The following PLPPR1 variants were observed in gnomAD, a reference collection of about 807,000 sequenced individuals.
The protein encoded by PLPPR1 is phospholipid phosphatase related 1, also known as phospholipid phosphatase-related protein type 1.
A neutral mutation model predicts 33.1 loss-of-function variants in PLPPR1; 10 were observed. That is an observed-to-expected ratio of 0.30 (90% CI 0.19 to 0.51). PLPPR1 has a LOEUF of 0.51. PLPPR1 is among the 20% of genes least tolerant of loss of function. The pLI is 0.97. For missense variants in PLPPR1, 304 were observed against 408.1 expected (o/e 0.74, Z 2.20); for synonymous variants, 151 against 151.0 (o/e 1.00, Z 0.00).
intron 1 of PLPPR1, among the ~76,000 whole-genome samples, chr9:101,101,803 T>C (rs1208060218): frequency 6.6e-6 from 1 of 152,154 alleles, no homozygotes; most frequent in African/African-American, 2.4e-5. Context: ...ATTTCTTGAA[T>C]ATATTTAGAG....
At chr9:101,226,178 T>C (rs919541098) in intron 2 of PLPPR1, among the ~76,000 whole-genome samples, 1 of 152,180 alleles carries the variant, frequency 6.6e-6, no homozygotes, top group Non-Finnish European at 1.5e-5. Flanking sequence ...AAGGTGATTT[T>C]CCTGGGAATC....
At chr9:101,299,356 G>A (rs1828705948) in intron 4 of PLPPR1, among the ~76,000 whole-genome samples, 1 of 152,182 alleles carries the variant, frequency 6.6e-6, no homozygotes, top group African/African-American at 2.4e-5. Flanking sequence ...ATTCAAGGAT[G>A]CAGGGGAGGA....
chr9:101,069,629 G>A (rs144219420), intron 1 of PLPPR1, among the ~76,000 whole-genome samples: 1 of 152,242 alleles, frequency 6.6e-6, no homozygotes, highest in East Asian at 1.9e-4. Context: ...ACTGATCTGG[G>A]TGGAGTATTG....
chr9:101,299,788 G>A (rs7048745), intron 4 of PLPPR1, among the ~76,000 whole-genome samples: 2,091 of 152,226 alleles, frequency 0.014, 42 homozygotes, highest in African/African-American at 0.045. Context: ...CAGCACTCTC[G>A]ACATTCTCTG....
chr9:101,282,332 C>CA (rs914329673), intron 3 of PLPPR1, among the ~76,000 whole-genome samples: 4 of 151,784 alleles, frequency 2.6e-5, no homozygotes, highest in African/African-American at 7.3e-5. Context: ...TCAATAAATG[C>CA]AAAAAAATGA....
intron 2 of PLPPR1, among the ~76,000 whole-genome samples, chr9:101,236,045 GTC>G (rs1395124171): frequency 6.6e-6 from 1 of 151,596 alleles, no homozygotes; most frequent in African/African-American, 2.4e-5. Flanking sequence ...CTTCATATTT[GTC>G]TTACTGTTTC....
intron 2 of PLPPR1, among the ~76,000 whole-genome samples, chr9:101,216,085 G>A (rs188539327): frequency 6.6e-6 from 1 of 152,218 alleles, no homozygotes; most frequent in East Asian, 1.9e-4. Context: ...TGTAGTGGTT[G>A]TACTAATTTA....
intron 4 of PLPPR1, among the ~76,000 whole-genome samples, chr9:101,286,812 A>G (rs1471216191): frequency 6.6e-6 from 1 of 152,212 alleles, no homozygotes; most frequent in Non-Finnish European, 1.5e-5. Context: ...ATAATTATAG[A>G]TATGGGAATA....
intron 1 of PLPPR1, among the ~76,000 whole-genome samples, chr9:101,047,981 G>A (rs1450327268): frequency 3.3e-5 from 5 of 152,098 alleles, no homozygotes; most frequent in Non-Finnish European, 7.4e-5. Flanking sequence ...TGTATCTTGC[G>A]GTTTTCCTCA....
At chr9:101,068,856 C>A (rs1830450275) in intron 1 of PLPPR1, among the ~76,000 whole-genome samples, 1 of 152,094 alleles carries the variant, frequency 6.6e-6, no homozygotes. Flanking sequence ...ATCAACTTTG[C>A]TTATTATGCA....
intron 4 of PLPPR1, among the ~76,000 whole-genome samples, chr9:101,287,569 C>T (rs915935099): frequency 1.3e-5 from 2 of 152,166 alleles, no homozygotes; most frequent in Non-Finnish European, 2.9e-5. Context: ...GGCACGACCT[C>T]GGCTCACTGC....
At chr9:101,133,623 G>A (rs560525066) in intron 1 of PLPPR1, among the ~76,000 whole-genome samples, 1 of 152,244 alleles carries the variant, frequency 6.6e-6, no homozygotes, top group East Asian at 1.9e-4. Flanking sequence ...GTATTGCCTG[G>A]CATCAAGTGA....
At chr9:101,302,752 C>T (rs921341449) in intron 4 of PLPPR1, among the ~76,000 whole-genome samples, 19 of 152,022 alleles carry the variant, frequency 1.2e-4, no homozygotes, top group African/African-American at 4.1e-4. Context: ...ATTTTTTCTA[C>T]CAAAACAGAG....
At position 101,315,699 on chromosome 9, in the gene PLPPR1, G is replaced by A. The variant is rs186309249; in HGVS notation, c.814-1666G>A. Among the ~76,000 whole-genome samples the A allele has an allele frequency of 2.0e-5, 3 of 152,254 alleles. 1 individual carries two copies. Among genetic ancestry groups the A allele is most frequent in the South Asian group, 4.1e-4 (2 of 4,822 alleles). On this transcript the variant is annotated intron_variant, in intron 6 of 7. Transcript: ENST00000374874. ...TGGCATAAGAGAGACCACCCTGTTGGCACATGCATGTGAACACACCTCACA... is the reference window on the plus strand; with the variant it reads ...TGGCATAAGAGAGACCACCCTGTTGACACATGCATGTGAACACACCTCACA...
Position 101,137,495 on chromosome 9 carries a change from A to G in PLPPR1, c.-45-47955A>G, listed in dbSNP as rs537290368. On this transcript the variant is annotated intron_variant, in intron 1 of 7. Transcript: ENST00000374874. ...GCCCATACTTTGCCTTGGGTAAATT[A>G]GAAAAGGATGCCAGTTCCTCTGGGT... 3.3e-5 allele frequency among the ~76,000 whole-genome samples: 5 copies of G among 152,320 alleles called. No homozygotes were observed. The South Asian group carries it at 1.0e-3, about 32-fold the overall frequency.
At chr9:101,155,350 G>A (rs1281589380) in intron 1 of PLPPR1, among the ~76,000 whole-genome samples, 2 of 152,172 alleles carry the variant, frequency 1.3e-5, no homozygotes, top group African/African-American at 2.4e-5. Flanking sequence ...TACAGAGGTT[G>A]GGAAGTCCAA....
chr9:101,270,077 A>G lies in PLPPR1; in HGVS notation c.252+9A>G, dbSNP rs1281053952. ...CCACCCCAACTGCTATTGTAAGTAC[A>G]GAAATAGACTTTCCTCTTTATTGTC... On this transcript the variant is annotated intron_variant, in intron 3 of 7. Transcript: ENST00000374874. The G allele has an allele frequency of 6.2e-7, 1 of 1,613,638 alleles. No individual in the cohort carries two copies. The highest frequency in any genetic ancestry group is 1.1e-5 in the South Asian group (1 of 91,056).
intron 1 of PLPPR1, among the ~76,000 whole-genome samples, chr9:101,034,206 AG>A (rs1221565315): frequency 2.0e-5 from 3 of 152,124 alleles, no homozygotes; most frequent in African/African-American, 7.2e-5. Context: ...CTAAGAACAA[AG>A]GGTTTGGGAA....
At chr9:101,154,834 C>T (rs530059573) in intron 1 of PLPPR1, among the ~76,000 whole-genome samples, 4 of 151,634 alleles carry the variant, frequency 2.6e-5, no homozygotes, top group Non-Finnish European at 4.4e-5. Flanking sequence ...AGCTGGAAAC[C>T]ATCATTCTCA....
Sources: allele counts gnomAD v4.1 joint callset (sites outside exome capture counted in the v4.1 genomes callset), GRCh38; gene constraint gnomAD v4.1.1; transcripts MANE v1.5; gene names NCBI Gene and HGNC (gene_info 2026-07-23, HGNC 2026-07-21).